P2RY12: variants seen among roughly 807,000 people sequenced by gnomAD.
P2RY12 encodes purinergic receptor P2Y12.
A neutral mutation model predicts 4.5 loss-of-function variants in P2RY12; 3 were observed. That is an observed-to-expected ratio of 0.67 (90% CI 0.31 to 1.74). The LOEUF is 1.74. P2RY12 is among the 40% of genes most tolerant of loss of function. The pLI is 0.09. For missense variants in P2RY12, 356 were observed against 407.8 expected (o/e 0.87, Z 1.09); for synonymous variants, 148 against 154.1 (o/e 0.96, Z 0.29).
rs550426528 is a variant in P2RY12, at chr3:151,344,924, G to A, written c.-179-4164C>T. Among the ~76,000 whole-genome samples the A allele has an allele frequency of 3.9e-5, 6 of 152,206 alleles. No individual in the cohort carries two copies. The South Asian group carries it at 1.2e-3, about 32-fold the overall frequency. ...TCTTTGTCAACACATACACATTTTG[G>A]CAAAATTTCTAATCAGTTATTTTAA... On this transcript the variant is annotated intron_variant, in intron 1 of 2. Coordinates refer to ENST00000302632, the MANE Select transcript of P2RY12 (RefSeq NM_022788.5).
At chr3:151,358,814 A>G (rs1754260581) in intron 1 of P2RY12, among the ~76,000 whole-genome samples, 5 of 152,184 alleles carry the variant, frequency 3.3e-5, no homozygotes, top group Admixed American at 2.0e-4. Context: ...CTTGCAAATC[A>G]AAGAAGTTGA....
rs1577400842 is a variant in P2RY12 at position 151,349,750 on chromosome 3, A to G, written c.-179-8990T>C. Among the ~76,000 whole-genome samples the G allele has an allele frequency of 2.0e-5, 3 of 152,282 alleles. No homozygotes were observed. The South Asian group carries it at 6.2e-4, about 32-fold the overall frequency. On this transcript the variant is annotated intron_variant, in intron 1 of 2. Transcript: ENST00000302632. ...TGTTACATGATGTGAAATTAATACCATGTTCAATTTTAAACAATGAAAAGT... is the reference window on the plus strand; with the variant it reads ...TGTTACATGATGTGAAATTAATACCGTGTTCAATTTTAAACAATGAAAAGT...
At chr3:151,375,297 C>T (rs1756691701) in intron 1 of P2RY12, among the ~76,000 whole-genome samples, 1 of 152,204 alleles carries the variant, frequency 6.6e-6, no homozygotes, top group African/African-American at 2.4e-5. Context: ...AAACAGACTT[C>T]ACCCGAAATA....
Position 151,337,079 on chromosome 3 carries a change from G to A in P2RY12, c.*738C>T, listed in dbSNP as rs1751100225. On this transcript the variant is annotated 3_prime_UTR_variant, in exon 3 of 3. Transcript: ENST00000302632. ...GTATTATTGAAGTTGTAAAAAATTA[G>A]TAAAACTAGTTTCTCTAGAATTAAG... 1 of 151,802 alleles carries A rather than the reference G, an allele frequency of 6.6e-6. No individual in the cohort carries two copies. Among genetic ancestry groups the A allele is most frequent in the Admixed American group, 6.6e-5 (1 of 15,244 alleles). 9.4% of individuals were successfully genotyped at this position (151,802 alleles called of 1,614,324 possible). A position where few individuals can be genotyped will look rare whatever the true frequency, so the allele number is the denominator to read the frequency against.
chr3:151,341,566 C>CTTT, intron 1 of P2RY12, among the ~76,000 whole-genome samples: 1 of 148,450 alleles, frequency 6.7e-6, no homozygotes, highest in East Asian at 2.0e-4. Context: ...GCTGCTTTAA[C>CTTT]TTTTTTTTTT....
chr3:151,378,379 C>T (rs1016487138), intron 1 of P2RY12, among the ~76,000 whole-genome samples: 12 of 152,114 alleles, frequency 7.9e-5, no homozygotes, highest in Non-Finnish European at 1.5e-4. Flanking sequence ...TCAATTCTGC[C>T]TTTATATCCA....
chr3:151,338,223 C>G lies in P2RY12; in HGVS notation c.623G>C (p.Cys208Ser). The G allele has an allele frequency of 6.2e-7, 1 of 1,614,008 alleles. No homozygotes were observed. The highest frequency in any genetic ancestry group is 8.5e-7 in the Non-Finnish European group (1 of 1,179,940). Residue 208 changes from cysteine (C) to serine (S), a missense_variant, in exon 3 of 3, where the codon TGT becomes TCT. By Grantham distance (112) the Cys-to-Ser change is moderately radical. Coordinates refer to ENST00000302632, the MANE Select transcript of P2RY12 (RefSeq NM_022788.5). ...CAGTTCTTTTGTAATGAGTGTATAA[C>G]ATACAATAACAATTAAGAAATTAAT... ...FWINFLIVIV[C>S]YTLITKELYR...
intron 1 of P2RY12, chr3:151,380,320 G>C: frequency 1.2e-6 from 1 of 817,166 alleles, no homozygotes; most frequent in Non-Finnish European, 1.9e-6. Flanking sequence ...ATAAGGGCCA[G>C]GTGTGGTGGC....
Position 151,369,692 on chromosome 3 carries a change from C to T in P2RY12, c.-180+15000G>A, listed in dbSNP as rs922356674. 3.0e-5 allele frequency: 16 copies of T among 534,404 alleles called. 1 individual carries two copies. In the Middle Eastern group the frequency reaches 2.4e-3, roughly 81 times the overall value. 33.1% of individuals were successfully genotyped at this position (534,404 alleles called of 1,614,324 possible). A position where few individuals can be genotyped will look rare whatever the true frequency, so the allele number is the denominator to read the frequency against. On this transcript the variant is annotated intron_variant, in intron 1 of 2. Transcript: ENST00000302632. ...ATTCTCCTGGAAAAATTAGTGGTTT[C>T]TCCTAGACCAAATACATCAGACTCT...
In P2RY12 at chr3:151,365,190, C is replaced by T. The variant is rs752982478; in HGVS notation, c.-180+19502G>A. 87 of 1,613,620 alleles carry T rather than the reference C, an allele frequency of 5.4e-5. No individual in the cohort carries two copies. The highest frequency in any genetic ancestry group is 7.1e-5 in the Non-Finnish European group (84 of 1,179,690). ...TACACTCATGAATGTATGTATGGGC[C>T]ATCAGGATGCTGGCAGGTGAGATGG... is the stretch of plus-strand genomic sequence containing the variant. On this transcript the variant is annotated intron_variant, in intron 1 of 2. Transcript: ENST00000302632.
At chr3:151,339,259 AC>A (rs2149940567) in intron 2 of P2RY12, among the ~76,000 whole-genome samples, 1 of 152,062 alleles carries the variant, frequency 6.6e-6, no homozygotes, top group African/African-American at 2.4e-5. Context: ...ATTCACAGTC[AC>A]TTTTCCCCCC....
chr3:151,365,768 A>G (rs1271296946), intron 1 of P2RY12: 2 of 1,214,632 alleles, frequency 1.6e-6, no homozygotes, highest in Non-Finnish European at 2.2e-6. Context: ...TGTTAGTGAA[A>G]TATATGTTAA....
At chr3:151,381,910 T>A (rs2108131944) in intron 1 of P2RY12, among the ~76,000 whole-genome samples, 1 of 152,358 alleles carries the variant, frequency 6.6e-6, no homozygotes, top group African/African-American at 2.4e-5. Flanking sequence ...TCATTTGAAC[T>A]CTTTTAAGAT....
At position 151,336,910 on chromosome 3, in the gene P2RY12, GATCA is replaced by G. The variant is rs1192138868; in HGVS notation, c.*903_*906del. ...CAATACAAACAAGTAATTACAAACA[GATCA>G]ATCACTTTCCTCTCAGTAGTTATGC... On this transcript the variant is annotated 3_prime_UTR_variant, in exon 3 of 3. Transcript: ENST00000302632. 6.3e-6 allele frequency: 1 copy of G among 157,906 alleles called. No homozygotes were observed. Among genetic ancestry groups the G allele is most frequent in the African/African-American group, 2.4e-5 (1 of 41,442 alleles). 9.8% of individuals were successfully genotyped at this position (157,906 alleles called of 1,614,324 possible). A position where few individuals can be genotyped will look rare whatever the true frequency, so the allele number is the denominator to read the frequency against.
intron 1 of P2RY12, among the ~76,000 whole-genome samples, chr3:151,365,671 G>A (rs1037356291): frequency 2.0e-5 from 3 of 152,140 alleles, no homozygotes; most frequent in Non-Finnish European, 2.9e-5. Context: ...AATATTTGAA[G>A]CCATTGTTAT....
intron 1 of P2RY12, among the ~76,000 whole-genome samples, chr3:151,341,089 T>C (rs1751761820): frequency 6.6e-6 from 1 of 152,148 alleles, no homozygotes; most frequent in Non-Finnish European, 1.5e-5. Context: ...CTTGCTTTCT[T>C]GGGTGGTTAA....
chr3:151,341,073 T>G lies in P2RY12; in HGVS notation c.-179-313A>C, dbSNP rs1751759941. Among the ~76,000 whole-genome samples, 4 of 152,282 alleles carry G rather than the reference T, an allele frequency of 2.6e-5. No individual in the cohort carries two copies. The South Asian group carries it at 8.3e-4, about 32-fold the overall frequency. ...TCGAAGTCTGCTTCCTGGAGAAGAT[T>G]TTAAGCTTGCTTTCTTGGGTGGTTA... On this transcript the variant is annotated intron_variant, in intron 1 of 2. Coordinates refer to ENST00000302632, the MANE Select transcript of P2RY12 (RefSeq NM_022788.5).
Position 151,355,068 on chromosome 3 carries a change from G to A in P2RY12, c.-179-14308C>T, listed in dbSNP as rs1753743717. ...TTAAAAAAAAGTATCCATTAAAAAT[G>A]TCGAGAGCTTCTATTAAATGGAAAA... On this transcript the variant is annotated intron_variant, in intron 1 of 2. Transcript: ENST00000302632. The A allele has an allele frequency of 4.5e-6, 6 of 1,321,376 alleles. No individual in the cohort carries two copies. In the East Asian group the frequency reaches 1.2e-4, roughly 25 times the overall value. The allele number at this position is 1,321,376 out of a possible 1,614,324, so 81.9% of individuals were successfully genotyped here.
At chr3:151,353,929 C>G (rs2150039741) in intron 1 of P2RY12, among the ~76,000 whole-genome samples, 1 of 151,914 alleles carries the variant, frequency 6.6e-6, no homozygotes, top group African/African-American at 2.4e-5. Flanking sequence ...ATCACGAGGT[C>G]AGGAGATCGA....
Sources: gnomAD v4.1 joint callset for allele counts (sites outside exome capture counted in the v4.1 genomes callset) on GRCh38, gnomAD v4.1.1 for gene constraint, MANE v1.5 for transcripts, NCBI Gene and HGNC (gene_info 2026-07-23, HGNC 2026-07-21) for gene names.